The following WDR20 variants were observed in gnomAD, a reference collection of about 807,000 sequenced individuals.
WDR20 encodes the protein WD repeat domain 20, also known as WD repeat-containing protein 20.
In WDR20, 3 loss-of-function variants were observed where a neutral mutation model predicts 38.7. That is an observed-to-expected ratio of 0.08 (90% CI 0.04 to 0.20). The LOEUF is 0.20. Ranked by LOEUF, WDR20 falls within the 10% of genes least tolerant of loss-of-function variation. WDR20 has a pLI of 1.00. For synonymous variants in WDR20, 298 were observed against 285.6 expected, an observed-to-expected ratio of 1.04 and a Z score of -0.44; for missense variants, 559 against 727.7, an observed-to-expected ratio of 0.77 and a Z score of 2.67.
intron 1 of WDR20, chr14:102,193,527 G>A (rs1458841639): frequency 1.2e-6 from 2 of 1,612,294 alleles, no homozygotes; most frequent in African/African-American, 2.7e-5. Context: ...GAGGCTGGGA[G>A]AGTGTCCGCA....
At position 102,175,447 on chromosome 14, in the gene WDR20, C is replaced by T. The variant is rs149996079; in HGVS notation, c.250-19491C>T. On this transcript the variant is annotated intron_variant, in intron 1 of 2. Coordinates refer to ENST00000342702, the MANE Select transcript of WDR20 (RefSeq NM_144574.4). ...TACCAGTACTATGCTGTTTTGGTGA[C>T]TATAGCCATATAGTATAGTGTGAAG... 4.5e-3 allele frequency among the ~76,000 whole-genome samples: 691 copies of T among 152,294 alleles called. 6 individuals carry two copies. The highest frequency in any genetic ancestry group is 0.015 in the African/African-American group (640 of 41,552).
downstream of WDR20, among the ~76,000 whole-genome samples, chr14:102,219,617 G>A (rs1181039129): frequency 1.3e-5 from 2 of 152,216 alleles, 1 homozygote; most frequent in South Asian, 4.1e-4. Context: ...TCTGACGGGC[G>A]GGCTCCAGGG....
chr14:102,177,785 A>G (rs2062483173), intron 1 of WDR20, among the ~76,000 whole-genome samples: 1 of 152,184 alleles, frequency 6.6e-6, no homozygotes, highest in Non-Finnish European at 1.5e-5. Flanking sequence ...ATTTGGGGGA[A>G]GTTAGTATGA....
At chr14:102,145,002 G>A (rs562346992) in intron 1 of WDR20, among the ~76,000 whole-genome samples, 86 of 152,308 alleles carry the variant, frequency 5.6e-4, no homozygotes, top group African/African-American at 1.9e-3. Context: ...AGCATCTTGT[G>A]CTTTGCCTTC....
intron 1 of WDR20, among the ~76,000 whole-genome samples, chr14:102,169,537 A>G (rs1056556792): frequency 2.6e-5 from 4 of 151,890 alleles, no homozygotes; most frequent in African/African-American, 9.6e-5. Context: ...TTCTCAAGTA[A>G]CTTTTTTTTT....
At chr14:102,173,128 T>G (rs1235047870) in intron 1 of WDR20, among the ~76,000 whole-genome samples, 1 of 151,694 alleles carries the variant, frequency 6.6e-6, no homozygotes, top group Admixed American at 6.6e-5. Flanking sequence ...ATTTTTATTT[T>G]TTTGGAGGCA....
downstream of WDR20, chr14:102,214,247 C>T (rs931577853): frequency 1.0e-6 from 1 of 985,632 alleles, no homozygotes; most frequent in Non-Finnish European, 1.2e-6. Context: ...CTGCAGGGCC[C>T]CCCCTTGTCT....
intron 1 of WDR20, among the ~76,000 whole-genome samples, chr14:102,189,240 A>G (rs908486255): frequency 6.6e-6 from 1 of 152,282 alleles, no homozygotes; most frequent in East Asian, 1.9e-4. Flanking sequence ...AGAAAAAGAA[A>G]AAGTCCAAGG....
At chr14:102,198,703 G>A (rs547277537) in intron 2 of WDR20, among the ~76,000 whole-genome samples, 1 of 152,332 alleles carries the variant, frequency 6.6e-6, no homozygotes, top group South Asian at 2.1e-4. Flanking sequence ...GGATTCCTTA[G>A]AAGGGAGCAG....
At chr14:102,219,393 G>A (rs750170263), downstream of WDR20, among the ~76,000 whole-genome samples, 2 of 152,200 alleles carry the variant, frequency 1.3e-5, no homozygotes, top group Non-Finnish European at 2.9e-5. Context: ...CCTGCCACCC[G>A]GAGTGCTGTG....
downstream of WDR20, among the ~76,000 whole-genome samples, chr14:102,216,628 A>G (rs1206159525): frequency 6.6e-6 from 1 of 152,206 alleles, no homozygotes; most frequent in Non-Finnish European, 1.5e-5. Flanking sequence ...CCTTCAAAAA[A>G]ATAAAAATAG....
downstream of WDR20, among the ~76,000 whole-genome samples, chr14:102,218,811 C>T (rs2063535987): frequency 6.6e-6 from 1 of 152,242 alleles, no homozygotes; most frequent in African/African-American, 2.4e-5. Flanking sequence ...GCTCCTTTGC[C>T]TGATGGCAAC....
intron 1 of WDR20, among the ~76,000 whole-genome samples, chr14:102,154,801 C>T (rs914303909): frequency 6.6e-6 from 1 of 152,132 alleles, no homozygotes; most frequent in Non-Finnish European, 1.5e-5. Context: ...AGAATGATAA[C>T]TTCACAGTCT....
At chr14:102,167,286 C>T (rs995075838) in intron 1 of WDR20, 2 of 152,214 alleles carry the variant, frequency 1.3e-5, no homozygotes, top group Admixed American at 1.3e-4. Context: ...AGTCATAGCC[C>T]ACCGGTAACC....
At chr14:102,144,157 A>G (rs2052656479) in intron 1 of WDR20, among the ~76,000 whole-genome samples, 1 of 152,102 alleles carries the variant, frequency 6.6e-6, no homozygotes, top group Non-Finnish European at 1.5e-5. Flanking sequence ...AACCTGGGCA[A>G]CAGAATGAGA....
intron 2 of WDR20, among the ~76,000 whole-genome samples, chr14:102,205,261 A>G: frequency 1.8e-5 from 2 of 112,824 alleles, no homozygotes; most frequent in South Asian, 5.9e-4. Context: ...ACCCTGTCTC[A>G]AAAAAAAAAA....
chr14:102,201,613 G>A (rs1225582356), intron 2 of WDR20, among the ~76,000 whole-genome samples: 1 of 150,902 alleles, frequency 6.6e-6, no homozygotes, highest in African/African-American at 2.5e-5. Flanking sequence ...TGGAACTATG[G>A]GGAGGGCCGC....
intron 1 of WDR20, among the ~76,000 whole-genome samples, chr14:102,149,634 A>G (rs1012136695): frequency 1.3e-5 from 2 of 152,192 alleles, no homozygotes; most frequent in African/African-American, 4.8e-5. Flanking sequence ...TCAACTTTTC[A>G]GCTTCTCTGC....
At chr14:102,176,117 G>A (rs914055196) in intron 1 of WDR20, among the ~76,000 whole-genome samples, 5 of 152,298 alleles carry the variant, frequency 3.3e-5, no homozygotes, top group South Asian at 4.1e-4. Context: ...AGTCAGGGCT[G>A]GAAACGGTGG....
Sources: gnomAD v4.1 joint callset for allele counts (sites outside exome capture counted in the v4.1 genomes callset) on GRCh38, gnomAD v4.1.1 for gene constraint, MANE v1.5 for transcripts, NCBI Gene and HGNC (gene_info 2026-07-23, HGNC 2026-07-21) for gene names.